TENM3: variants seen among roughly 807,000 people sequenced by gnomAD.
TENM3 encodes teneurin transmembrane protein 3, also known as teneurin-3.
A neutral mutation model predicts 255.1 loss-of-function variants in TENM3; 63 were observed. The observed-to-expected ratio is 0.25, with a 90% CI of 0.20 to 0.30. The LOEUF (loss-of-function observed/expected upper bound fraction) is 0.30. Among genes scored for constraint, TENM3 ranks in the 10% least tolerant of loss-of-function variants. The probability of loss-of-function intolerance (pLI) is 1.00; values close to 1 mark genes in which losing one functional copy is unlikely to be tolerated. For synonymous variants in TENM3, 1,306 were observed against 1,322.3 expected, an observed-to-expected ratio of 0.99 and a Z score of 0.27; for missense variants, 2,929 against 3,461.1, an observed-to-expected ratio of 0.85 and a Z score of 3.86.
chr4:181,713,869 A>G, the TENM3 span, among the ~76,000 whole-genome samples: 3 of 152,174 alleles, frequency 2.0e-5, no homozygotes, highest in African/African-American at 7.2e-5. Flanking sequence ...ACGGTGATCA[A>G]GGTACCCTTA....
the TENM3 span, among the ~76,000 whole-genome samples, chr4:181,790,355 A>G: frequency 6.6e-6 from 1 of 152,206 alleles, no homozygotes; most frequent in Non-Finnish European, 1.5e-5. Flanking sequence ...TTTGCTGAAC[A>G]CTAAATAGAA....
At chr4:182,543,208 A>G (rs1321760386) in intron 3 of TENM3, among the ~76,000 whole-genome samples, 1 of 140,414 alleles carries the variant, frequency 7.1e-6, no homozygotes, top group Non-Finnish European at 1.6e-5. Flanking sequence ...GATGGATGCA[A>G]GGATGGAGGG....
intron 9 of TENM3, 73 bp from the exon 10 acceptor site, chr4:182,680,470 G>T: frequency 6.4e-7 from 1 of 1,557,132 alleles, no homozygotes; most frequent in Non-Finnish European, 8.8e-7. Context: ...GCTTGTTCCA[G>T]CGATGTGTCT....
At chr4:181,583,503 T>A in the TENM3 span, among the ~76,000 whole-genome samples, 1 of 152,210 alleles carries the variant, frequency 6.6e-6, no homozygotes. Context: ...TATAGGCAGC[T>A]ATATGGATTG....
At chr4:181,682,887 G>A in the TENM3 span, among the ~76,000 whole-genome samples, 1 of 151,936 alleles carries the variant, frequency 6.6e-6, no homozygotes, top group African/African-American at 2.4e-5. Context: ...GGCAGTGCCA[G>A]ACTCCTGAGA....
At chr4:182,233,557 G>A (rs993664041) in intron 1 of TENM3, among the ~76,000 whole-genome samples, 2 of 152,210 alleles carry the variant, frequency 1.3e-5, no homozygotes, top group African/African-American at 4.8e-5. Flanking sequence ...GCTTATGGAA[G>A]AGGACATTCT....
the TENM3 span, among the ~76,000 whole-genome samples, chr4:181,810,218 T>G: frequency 6.6e-6 from 1 of 152,194 alleles, no homozygotes; most frequent in Admixed American, 6.5e-5. Context: ...AATTCCTTTT[T>G]GTACTTACCA....
At chr4:182,429,722 A>G (rs2151184359) in intron 3 of TENM3, among the ~76,000 whole-genome samples, 1 of 152,314 alleles carries the variant, frequency 6.6e-6, no homozygotes, top group South Asian at 2.1e-4. Flanking sequence ...TAACCATGGT[A>G]ATTCAAAATT....
Position 182,754,848 on chromosome 4 carries a change from G to A in TENM3, c.4481G>A (p.Arg1494Gln), listed in dbSNP as rs996791872. The change falls in exon 22 of 28, where the codon CGG (arginine) becomes CAG (glutamine). Residue 1494 changes from arginine (R) to glutamine (Q), a missense_variant. This residue lies in a region of TENM3 where 1,608 missense variants were observed against 1,884.4 expected (regional missense o/e 0.85). Coordinates refer to ENST00000511685, the MANE Select transcript of TENM3 (RefSeq NM_001080477.4). The surrounding 1 kb of genome is among the most constrained non-coding windows in gnomAD (Gnocchi z 5.1). ...TATATTGCAGATCTAGGGAATATCC[G>A]GATCCGGGCTGTGTCAAAGAATAAG... is the stretch of plus-strand genomic sequence containing the variant. ...TLYIADLGNI[R>Q]IRAVSKNKPL... 1.4e-5 allele frequency: 22 copies of A among 1,613,842 alleles called. No individual in the cohort carries two copies. In the Admixed American group the frequency reaches 1.8e-4, roughly 13 times the overall value.
chr4:182,322,000 G>T (rs1036948693), intron 1 of TENM3, among the ~76,000 whole-genome samples: 1 of 152,096 alleles, frequency 6.6e-6, no homozygotes, highest in Non-Finnish European at 1.5e-5. Context: ...AATAAAAAGA[G>T]TGAATTGGTG....
the TENM3 span, among the ~76,000 whole-genome samples, chr4:181,668,640 A>T: frequency 1.3e-5 from 2 of 151,998 alleles, no homozygotes; most frequent in Admixed American, 1.3e-4. Flanking sequence ...TGTACTAGGG[A>T]CCCACTCTAC....
the TENM3 span, among the ~76,000 whole-genome samples, chr4:181,756,529 G>C: frequency 2.0e-5 from 3 of 152,200 alleles, no homozygotes; most frequent in Non-Finnish European, 2.9e-5. Context: ...CAGGCAACAG[G>C]AGTAATAGGA....
At chr4:182,360,676 AT>A (rs1173689326) in intron 3 of TENM3, among the ~76,000 whole-genome samples, 1 of 151,972 alleles carries the variant, frequency 6.6e-6, no homozygotes, top group Non-Finnish European at 1.5e-5. Context: ...TCTTTATCCA[AT>A]TTGCCAGTCT....
At chr4:181,669,283 G>A in the TENM3 span, among the ~76,000 whole-genome samples, 8,404 of 152,180 alleles carry the variant, frequency 0.055, 386 homozygotes, top group African/African-American at 0.12. Context: ...CAGGGAGATA[G>A]TATAATTATC....
the TENM3 span, among the ~76,000 whole-genome samples, chr4:181,971,394 G>A: frequency 0.16 from 24,397 of 152,034 alleles, 2,346 homozygotes; most frequent in African/African-American, 0.26. Context: ...AAAAAGCAGG[G>A]AAAACAAAAC....
chr4:181,449,610 C>T, the TENM3 span, among the ~76,000 whole-genome samples: 1 of 151,956 alleles, frequency 6.6e-6, no homozygotes, highest in African/African-American at 2.4e-5. Flanking sequence ...GTAGTGAAAC[C>T]CCATCTCTAC....
intron 1 of TENM3, among the ~76,000 whole-genome samples, chr4:182,322,623 T>G (rs185055258): frequency 1.9e-4 from 29 of 152,208 alleles, no homozygotes; most frequent in African/African-American, 6.5e-4. Flanking sequence ...GCCACAAGGC[T>G]CCAAGTTGGA....
At chr4:182,696,826 C>T (rs1393888780) in intron 12 of TENM3, among the ~76,000 whole-genome samples, 1 of 151,822 alleles carries the variant, frequency 6.6e-6, no homozygotes, top group Non-Finnish European at 1.5e-5. Flanking sequence ...ACTTTTATAC[C>T]TGATTTCATT....
At chr4:182,058,177 T>G in the TENM3 span, among the ~76,000 whole-genome samples, 1 of 140,752 alleles carries the variant, frequency 7.1e-6, no homozygotes, top group Non-Finnish European at 1.6e-5. Flanking sequence ...GGGGGGGCAA[T>G]TTTTTATTTT....
Sources: gnomAD v4.1 joint callset for allele counts (sites outside exome capture counted in the v4.1 genomes callset) on GRCh38, gnomAD v4.1.1 for gene constraint, gnomAD v4.1.1 regional missense constraint, Gnocchi (gnomAD v3.1) non-coding constraint, MANE v1.5 for transcripts, NCBI Gene and HGNC (gene_info 2026-07-23, HGNC 2026-07-21) for gene names.